MAPKAPK5: variants seen among roughly 807,000 people sequenced by gnomAD.
MAPKAPK5 encodes the protein MAPK activated protein kinase 5.
MAPKAPK5 carries 30 observed loss-of-function variants against 65.1 expected under a neutral mutation model. The ratio of observed to expected loss-of-function variants is 0.46; its 90% confidence interval spans 0.34 to 0.63. MAPKAPK5 has a LOEUF of 0.63. Among genes scored for constraint, MAPKAPK5 ranks in the 20% least tolerant of loss-of-function variants. The pLI is 0.01. For missense variants in MAPKAPK5, 433 were observed against 581.4 expected, an observed-to-expected ratio of 0.74 and a Z score of 2.63; for synonymous variants, 179 against 204.6, an observed-to-expected ratio of 0.87 and a Z score of 1.07.
rs1442985886 is a variant in MAPKAPK5 at position 111,900,627 on chromosome 12, C to T, written c.*7566C>T. ...GCAGTGTGACTGTGGTTCTCTATGT[C>T]AGCATCATGCATGCTGTGATGAAAA... On this transcript the variant is annotated 3_prime_UTR_variant, in exon 14 of 14. Coordinates refer to ENST00000550735, the MANE Select transcript of MAPKAPK5 (RefSeq NM_003668.4). 4.4e-6 allele frequency: 2 copies of T among 455,990 alleles called. No homozygotes were observed. Among genetic ancestry groups the T allele is most frequent in the African/African-American group, 4.0e-5 (2 of 50,070 alleles). The allele number at this position is 455,990 out of a possible 1,614,324, so 28.2% of individuals were successfully genotyped here.
chr12:111,867,823 T>A (rs2069662475), intron 4 of MAPKAPK5, among the ~76,000 whole-genome samples, 154 bp downstream of exon 4: 2 of 152,128 alleles, frequency 1.3e-5, no homozygotes, highest in Admixed American at 1.3e-4. Context: ...TCTCCCTTTT[T>A]GTAATTTGGA....
chr12:111,861,262 C>T (rs758096261), intron 1 of MAPKAPK5, among the ~76,000 whole-genome samples: 11 of 152,098 alleles, frequency 7.2e-5, no homozygotes, highest in Non-Finnish European at 1.5e-4. Context: ...AATGCCCAGG[C>T]CACTTCTCAA....
chr12:111,888,365 C>T, intron 10 of MAPKAPK5, 123 bp from the exon 11 acceptor site: 1 of 1,338,448 alleles, frequency 7.5e-7, no homozygotes, highest in Non-Finnish European at 1.0e-6. Flanking sequence ...TATTTATATT[C>T]CTTCAGCATA....
chr12:111,845,216 C>T (rs957193374), intron 1 of MAPKAPK5, among the ~76,000 whole-genome samples: 1 of 151,438 alleles, frequency 6.6e-6, no homozygotes, highest in Admixed American at 6.6e-5. Context: ...CCGCCTCCTC[C>T]CAGGTTCAAG....
chr12:111,854,751 T>G (rs1485017160), intron 1 of MAPKAPK5, among the ~76,000 whole-genome samples: 1 of 152,222 alleles, frequency 6.6e-6, no homozygotes, highest in African/African-American at 2.4e-5. Context: ...TAGCGGGTGC[T>G]TCTGGCACCT....
intron 7 of MAPKAPK5, 73 bp downstream of exon 7, chr12:111,871,253 AGCACAAGTAG>A: frequency 1.6e-6 from 2 of 1,227,846 alleles, no homozygotes; most frequent in Non-Finnish European, 2.4e-6. Context: ...TCTATTCTAC[AGCACAAGTAG>A]GCATATATTA....
In MAPKAPK5 at chr12:111,868,794, A is replaced by G; in HGVS notation, c.326A>G (p.Glu109Gly). ...GTAATGGAGATGATGGAAGGGGGAG[A>G]GCTATTTCACAGAATCAGCCAGCAC... is the stretch of plus-strand genomic sequence containing the variant. ...LIVMEMMEGGELFHRISQHRH... is the reference protein window; with the variant it reads ...LIVMEMMEGGGLFHRISQHRH... Residue 109 changes from glutamate to glycine, a missense_variant, in exon 5 of 14, where the codon GAG (glutamate) becomes GGG (glycine). Transcript: ENST00000550735. The G allele has an allele frequency of 6.4e-7, 1 of 1,570,590 alleles. No homozygotes were observed. Among genetic ancestry groups the G allele is most frequent in the Middle Eastern group, 1.7e-4 (1 of 6,010 alleles).
chr12:111,860,480 T>C (rs1025946002), intron 1 of MAPKAPK5, among the ~76,000 whole-genome samples: 2 of 152,232 alleles, frequency 1.3e-5, no homozygotes, highest in Admixed American at 1.3e-4. Context: ...GCCAAAGCTG[T>C]TCATTTCCAT....
chr12:111,882,816 CT>C, intron 8 of MAPKAPK5: 1 of 985,460 alleles, frequency 1.0e-6, no homozygotes, highest in Non-Finnish European at 1.2e-6. Flanking sequence ...TGTCAAACTG[CT>C]TTGGGCCTTT....
At chr12:111,850,586 G>A (rs2069048439) in intron 1 of MAPKAPK5, among the ~76,000 whole-genome samples, 1 of 152,204 alleles carries the variant, frequency 6.6e-6, no homozygotes, top group Non-Finnish European at 1.5e-5. Flanking sequence ...CAAGTTCCCA[G>A]ATGCCATTAA....
At chr12:111,845,281 C>T (rs560266985) in intron 1 of MAPKAPK5, among the ~76,000 whole-genome samples, 3 of 152,216 alleles carry the variant, frequency 2.0e-5, no homozygotes, top group African/African-American at 4.8e-5. Flanking sequence ...CACACCACCA[C>T]GCCCGGCTAT....
intron 1 of MAPKAPK5, among the ~76,000 whole-genome samples, chr12:111,854,187 T>C (rs1205255430): frequency 3.3e-5 from 5 of 152,110 alleles, no homozygotes; most frequent in Non-Finnish European, 5.9e-5. Flanking sequence ...CCCTCCTCTA[T>C]GGGATCATTA....
intron 1 of MAPKAPK5, among the ~76,000 whole-genome samples, chr12:111,852,804 C>A (rs190900785): frequency 6.6e-6 from 1 of 151,988 alleles, no homozygotes. Flanking sequence ...GACAGAGTCT[C>A]ACTCTGTCTC....
intron 1 of MAPKAPK5, among the ~76,000 whole-genome samples, chr12:111,856,416 T>G (rs1199500784): frequency 6.6e-6 from 1 of 150,634 alleles, no homozygotes; most frequent in Non-Finnish European, 1.5e-5. Flanking sequence ...TTTCTTTTTT[T>G]TTTTTTTGAG....
chr12:111,858,185 G>A (rs1385072425), intron 1 of MAPKAPK5, among the ~76,000 whole-genome samples: 1 of 152,114 alleles, frequency 6.6e-6, no homozygotes, highest in Non-Finnish European at 1.5e-5. Context: ...GATTACAGGC[G>A]TGAGCAACTG....
intron 5 of MAPKAPK5, among the ~76,000 whole-genome samples, 152 bp from the exon 6 acceptor site, chr12:111,870,119 T>C (rs1333969546): frequency 6.6e-6 from 1 of 152,252 alleles, no homozygotes; most frequent in African/African-American, 2.4e-5. Flanking sequence ...TGTTTCTTGG[T>C]ATTCCAAGTT....
At chr12:111,874,467 TG>T (rs1340648050) in intron 7 of MAPKAPK5, among the ~76,000 whole-genome samples, 3 of 149,582 alleles carry the variant, frequency 2.0e-5, no homozygotes, top group Non-Finnish European at 4.5e-5. Context: ...TTGTTTGTTT[TG>T]GGTTTTTTTT....
intron 5 of MAPKAPK5, among the ~76,000 whole-genome samples, chr12:111,869,857 A>C (rs2069726933): frequency 6.6e-6 from 1 of 152,152 alleles, no homozygotes; most frequent in Non-Finnish European, 1.5e-5. Context: ...CTTGACCCTC[A>C]GCTCCCTGGA....
In MAPKAPK5 at chr12:111,867,680, A is replaced by G; in HGVS notation, c.284+11A>G. The G allele has an allele frequency of 6.2e-7, 1 of 1,601,504 alleles. No individual in the cohort carries two copies. Among genetic ancestry groups the G allele is most frequent in the South Asian group, 1.1e-5 (1 of 90,798 alleles). On this transcript the variant is annotated intron_variant, in intron 4 of 13. Transcript: ENST00000550735. Reference sequence around the variant, plus strand: ...TGAGTCCAGCCCTAGGTAAGACTACACAGTGTCATCATCAAATGCCCACAT... The same window carrying G: ...TGAGTCCAGCCCTAGGTAAGACTACGCAGTGTCATCATCAAATGCCCACAT...
Sources: gnomAD v4.1 joint callset for allele counts (sites outside exome capture counted in the v4.1 genomes callset) on GRCh38, gnomAD v4.1.1 for gene constraint, MANE v1.5 for transcripts, NCBI Gene and HGNC (gene_info 2026-07-23, HGNC 2026-07-21) for gene names.